RREB1: variants seen among roughly 807,000 people sequenced by gnomAD.
RREB1 encodes the protein ras responsive element binding protein 1.
In RREB1, 27 loss-of-function variants were observed where a neutral mutation model predicts 117.8. The ratio of observed to expected loss-of-function variants is 0.23; its 90% confidence interval spans 0.17 to 0.32. The LOEUF (loss-of-function observed/expected upper bound fraction) is 0.32. Ranked by LOEUF, RREB1 falls within the 10% of genes least tolerant of loss-of-function variation. RREB1 has a pLI of 1.00. For synonymous variants in RREB1, 1,298 were observed against 1,026.7 expected (o/e 1.26, Z -5.05); for missense variants, 2,577 against 2,378.2 (o/e 1.08, Z -1.74).
At chr6:7,198,581 G>C (rs1181301653) in intron 6 of RREB1, among the ~76,000 whole-genome samples, 1 of 152,144 alleles carries the variant, frequency 6.6e-6, no homozygotes, top group Non-Finnish European at 1.5e-5. Context: ...GATATACGTA[G>C]TCAGCATAGT....
intron 6 of RREB1, among the ~76,000 whole-genome samples, chr6:7,201,137 G>A (rs1253089482): frequency 6.6e-6 from 1 of 152,068 alleles, no homozygotes; most frequent in African/African-American, 2.4e-5. Flanking sequence ...CCTCTGCTCC[G>A]GAATGCAACA....
chr6:7,239,050 C>T (rs1768515613), intron 10 of RREB1, among the ~76,000 whole-genome samples: 1 of 152,224 alleles, frequency 6.6e-6, no homozygotes, highest in Non-Finnish European at 1.5e-5. Context: ...AACACGTGGC[C>T]CCTCTGGCTG....
intron 1 of RREB1, among the ~76,000 whole-genome samples, chr6:7,120,757 C>T (rs1761641909): frequency 1.3e-5 from 2 of 151,748 alleles, no homozygotes; most frequent in African/African-American, 4.8e-5. Flanking sequence ...AGTGATCCTC[C>T]CACCTCAGCC....
At chr6:7,188,890 A>G (rs539607308) in intron 5 of RREB1, among the ~76,000 whole-genome samples, 54 of 152,352 alleles carry the variant, frequency 3.5e-4, no homozygotes, top group Middle Eastern at 3.4e-3. Context: ...GTTCAAAGCA[A>G]GACCTGGGAA....
At chr6:7,206,244 A>G (rs543671314) in intron 6 of RREB1, among the ~76,000 whole-genome samples, 134 of 152,344 alleles carry the variant, frequency 8.8e-4, no homozygotes, top group Non-Finnish European at 1.2e-3. Context: ...ACATTAACAC[A>G]TGTCCTCAGT....
intron 1 of RREB1, among the ~76,000 whole-genome samples, chr6:7,142,562 G>A (rs569476439): frequency 6.6e-6 from 1 of 152,380 alleles, no homozygotes; most frequent in African/African-American, 2.4e-5. Flanking sequence ...TGCTGAGTGT[G>A]CCCTGCCTTA....
chr6:7,235,339 A>T (rs1768252117), intron 10 of RREB1, among the ~76,000 whole-genome samples: 1 of 152,164 alleles, frequency 6.6e-6, no homozygotes, highest in Non-Finnish European at 1.5e-5. Flanking sequence ...TCAGAACCAC[A>T]TGGATCCTTG....
rs112671967 is a variant in RREB1 at position 7,195,219 on chromosome 6, A to G, written c.425+5897A>G. 1.7e-4 allele frequency among the ~76,000 whole-genome samples: 26 copies of G among 152,348 alleles called. 1 individual carries two copies. The highest frequency in any genetic ancestry group is 5.5e-4 in the African/African-American group (23 of 41,578). On this transcript the variant is annotated intron_variant, in intron 6 of 12. Coordinates refer to ENST00000379938, the MANE Select transcript of RREB1 (RefSeq NM_001003699.4). ...ATTTAAGTAATAATATATTTGAAAT[A>G]CTAGGGATTATCATACTACATTTAT... is the stretch of plus-strand genomic sequence containing the variant.
At position 7,174,168 on chromosome 6, in the gene RREB1, T is replaced by TTTTTC. The variant is rs1554120628; in HGVS notation, c.-284-2487_-284-2486insTTTTC. Among the ~76,000 whole-genome samples, 153 of 150,920 alleles carry TTTTTC rather than the reference T, an allele frequency of 1.0e-3. 1 individual carries two copies. The highest frequency in any genetic ancestry group is 3.1e-3 in the African/African-American group (128 of 40,754). The stretch of plus-strand genomic sequence containing the variant: ...AGTCTTTCCTTTTTTTTTTTTTTTT[T>TTTTTC]CTGAAGCATTGTTGATGGAGGTAAG... On this transcript the variant is annotated intron_variant, in intron 1 of 12. Coordinates refer to ENST00000379938, the MANE Select transcript of RREB1 (RefSeq NM_001003699.4).
intron 10 of RREB1, among the ~76,000 whole-genome samples, chr6:7,232,763 C>CTTTT (rs59522749): frequency 1.5e-5 from 2 of 136,970 alleles, no homozygotes; most frequent in East Asian, 2.1e-4. Context: ...TTTTCTTTTT[C>CTTTT]TTTTTTTTTT....
In RREB1 at chr6:7,248,809, G is replaced by A; in HGVS notation, c.5070G>A (p.Lys1690=). 1 of 1,613,816 alleles carries A rather than the reference G, an allele frequency of 6.2e-7. No individual in the cohort carries two copies. The highest frequency in any genetic ancestry group is 2.2e-5 in the East Asian group (1 of 44,878). The change falls in exon 13 of 13, where the codon AAG becomes AAA. Residue 1690 remains lysine (K), a synonymous_variant. Coordinates refer to ENST00000379938, the MANE Select transcript of RREB1 (RefSeq NM_001003699.4). The stretch of plus-strand genomic sequence containing the variant: ...AGGACTGCAGCCACAGGGAGGAGAA[G>A]GTCACGGCAGGGTGGCCGTCTGAGC... ...ATKDCSHREE[K]VTAGWPSEPG...
At chr6:7,133,519 T>G (rs933271634) in intron 1 of RREB1, among the ~76,000 whole-genome samples, 7 of 152,032 alleles carry the variant, frequency 4.6e-5, no homozygotes, top group African/African-American at 1.7e-4. Context: ...CCTGGGAGTT[T>G]GAAATCAGCC....
chr6:7,143,914 A>C (rs1762745522), intron 1 of RREB1, among the ~76,000 whole-genome samples: 1 of 136,294 alleles, frequency 7.3e-6, no homozygotes, highest in Admixed American at 8.0e-5. Flanking sequence ...TTTTGTCCAC[A>C]CTAGAATTTC....
intron 1 of RREB1, among the ~76,000 whole-genome samples, chr6:7,171,111 T>C (rs1050497371): frequency 6.6e-6 from 1 of 152,230 alleles, no homozygotes; most frequent in African/African-American, 2.4e-5. Flanking sequence ...CAGATAGGAC[T>C]AGACTGTTCA....
chr6:7,172,691 TG>T (rs147465069), intron 1 of RREB1, among the ~76,000 whole-genome samples: 3 of 135,074 alleles, frequency 2.2e-5, no homozygotes, highest in Non-Finnish European at 3.1e-5. Context: ...GTTGCCGGTG[TG>T]GGGGGGTGGG....
chr6:7,245,519 A>G (rs1175157402), intron 11 of RREB1, among the ~76,000 whole-genome samples: 1 of 152,254 alleles, frequency 6.6e-6, no homozygotes, highest in African/African-American at 2.4e-5. Context: ...CAACCTTAGT[A>G]AAGAGAAGGC....
chr6:7,156,359 T>TA (rs1763361179), intron 1 of RREB1, among the ~76,000 whole-genome samples: 2 of 152,200 alleles, frequency 1.3e-5, no homozygotes, highest in South Asian at 4.1e-4. Flanking sequence ...AGAACTGACC[T>TA]AAAAAAGAGC....
chr6:7,168,275 A>G (rs1027895246), intron 1 of RREB1, among the ~76,000 whole-genome samples: 2 of 151,884 alleles, frequency 1.3e-5, no homozygotes, highest in African/African-American at 4.8e-5. Flanking sequence ...AAAAAAAAAA[A>G]AGATTCCCCA....
At position 7,229,428 on chromosome 6, in the gene RREB1, G is replaced by T; in HGVS notation, c.1329G>T (p.Gln443His). 1 of 1,614,198 alleles carries T rather than the reference G, an allele frequency of 6.2e-7. No homozygotes were observed. The highest frequency in any genetic ancestry group is 1.1e-5 in the South Asian group (1 of 91,080). The change falls in exon 10 of 13, where the codon CAG becomes CAT. Residue 443 changes from glutamine (Q) to histidine (H), a missense_variant. Physicochemically the swap from Gln to His is conservative, Grantham distance 24 (BLOSUM62 0). Transcript: ENST00000379938. This position sits in a 1 kb window ranked among gnomAD's most constrained non-coding sequence, Gnocchi z 4.5. ...SIKHLSLQPF[Q>H]KGFIIQPDSS... The stretch of plus-strand genomic sequence containing the variant: ...AGCACCTGTCCCTGCAGCCCTTCCA[G>T]AAGGGCTTCATCATCCAGCCTGACA...
Sources: allele counts gnomAD v4.1 joint callset (sites outside exome capture counted in the v4.1 genomes callset), GRCh38; gene constraint gnomAD v4.1.1; non-coding constraint Gnocchi (gnomAD v3.1); transcripts MANE v1.5; gene names NCBI Gene and HGNC (gene_info 2026-07-23, HGNC 2026-07-21).